The following NCALD variants were observed in gnomAD, a reference collection of about 807,000 sequenced individuals.
The protein encoded by NCALD is neurocalcin delta.
NCALD carries 10 observed loss-of-function variants against 18.6 expected under a neutral mutation model. The observed-to-expected ratio is 0.54, with a 90% confidence interval of 0.33 to 0.91. NCALD has a LOEUF of 0.91. Ranked by LOEUF, NCALD falls within the 40% of genes least tolerant of loss-of-function variation. The pLI is 0.03. For missense variants in NCALD, 184 were observed against 247.6 expected (o/e 0.74, Z 1.72); for synonymous variants, 88 against 87.4 (o/e 1.01, Z -0.04).
chr8:101,698,781 A>G lies in NCALD; in HGVS notation c.379-5885T>C, dbSNP rs551286988. On this transcript the variant is annotated intron_variant, in intron 2 of 3. Transcript: ENST00000220931. ...TTACACCTTATACAAAAATTAACTC[A>G]AGATAGATTAAAGACTTAACTGTAA... is the stretch of plus-strand genomic sequence containing the variant. Among the ~76,000 whole-genome samples, 8 of 152,332 alleles carry G rather than the reference A, an allele frequency of 5.3e-5. No individual in the cohort carries two copies. The East Asian group carries it at 1.3e-3, about 26-fold the overall frequency.
At chr8:102,078,439 C>G (rs1289616400) in intron 1 of NCALD, among the ~76,000 whole-genome samples, 2 of 152,220 alleles carry the variant, frequency 1.3e-5, no homozygotes, top group African/African-American at 4.8e-5. Flanking sequence ...ACTTAAGACC[C>G]TTCCAATCAA....
chr8:101,818,917 T>A (rs1813607810), intron 4 of NCALD, among the ~76,000 whole-genome samples: 1 of 152,038 alleles, frequency 6.6e-6, no homozygotes, highest in African/African-American at 2.4e-5. Flanking sequence ...GGCAAGAGAA[T>A]CTCTTGAATC....
intron 4 of NCALD, among the ~76,000 whole-genome samples, chr8:101,883,925 A>G (rs1447274013): frequency 6.6e-6 from 1 of 152,170 alleles, no homozygotes; most frequent in African/African-American, 2.4e-5. Flanking sequence ...TCATTATACA[A>G]TTGCAAACTC....
chr8:101,706,902 G>C (rs903249872), intron 2 of NCALD, among the ~76,000 whole-genome samples: 6 of 151,864 alleles, frequency 4.0e-5, no homozygotes, highest in Admixed American at 3.9e-4. Context: ...TGATAAGAAA[G>C]GGACAAACCC....
chr8:101,829,449 T>C (rs778015403), intron 4 of NCALD, among the ~76,000 whole-genome samples: 1 of 152,244 alleles, frequency 6.6e-6, no homozygotes, highest in Non-Finnish European at 1.5e-5. Context: ...CCCATATGGA[T>C]GACATCCTGT....
chr8:102,123,459 A>AG (rs1826002451), intron 1 of NCALD, among the ~76,000 whole-genome samples: 1 of 78,338 alleles, frequency 1.3e-5, no homozygotes, highest in Non-Finnish European at 3.0e-5. Flanking sequence ...CTGCAGCATT[A>AG]GAAAAAAAAA....
chr8:101,775,070 G>A lies in NCALD; in HGVS notation c.-20+15792C>T, dbSNP rs1811737968. Among the ~76,000 whole-genome samples, 3 of 152,186 alleles carry A rather than the reference G, an allele frequency of 2.0e-5. No individual in the cohort carries two copies. The South Asian group carries it at 6.2e-4, about 32-fold the overall frequency. On this transcript the variant is annotated intron_variant, in intron 1 of 3. Coordinates refer to ENST00000220931, the MANE Select transcript of NCALD (RefSeq NM_032041.3). ...TCAGGGTTGTTTTCCCAGTTGTGTA[G>A]TGATCTGGACTGAGAACTTCCTACT...
intron 2 of NCALD, among the ~76,000 whole-genome samples, chr8:102,000,211 C>T (rs7009634): frequency 0.015 from 2,325 of 152,310 alleles, 51 homozygotes; most frequent in African/African-American, 0.053. Context: ...TAGCAAACAG[C>T]ACACCAGGAG....
intron 3 of NCALD, among the ~76,000 whole-genome samples, chr8:101,899,730 T>G (rs987822720): frequency 7.5e-6 from 1 of 132,810 alleles, no homozygotes; most frequent in Non-Finnish European, 1.5e-5. Flanking sequence ...AATAAATATA[T>G]GGTTATGGCA....
intron 1 of NCALD, among the ~76,000 whole-genome samples, chr8:101,756,043 C>A (rs899908576): frequency 1.3e-5 from 2 of 151,644 alleles, no homozygotes; most frequent in African/African-American, 4.8e-5. Context: ...TCAGACGGGA[C>A]CTGCCAGAGA....
At chr8:101,866,817 T>C (rs1248401095) in intron 4 of NCALD, among the ~76,000 whole-genome samples, 1 of 152,216 alleles carries the variant, frequency 6.6e-6, no homozygotes, top group East Asian at 1.9e-4. Flanking sequence ...TCGCTAGTTC[T>C]GTCCTTACCC....
chr8:101,878,351 C>G (rs957960630), intron 4 of NCALD, among the ~76,000 whole-genome samples: 5 of 152,358 alleles, frequency 3.3e-5, no homozygotes, highest in African/African-American at 9.6e-5. Context: ...GCTAAACTAA[C>G]TCCATGTGAT....
At chr8:101,852,123 T>C (rs1461071299) in intron 4 of NCALD, among the ~76,000 whole-genome samples, 2 of 152,140 alleles carry the variant, frequency 1.3e-5, no homozygotes, top group Admixed American at 1.3e-4. Flanking sequence ...TAATTTTCTA[T>C]TATCTGTAAA....
At chr8:101,737,888 G>T (rs949329895) in intron 1 of NCALD, among the ~76,000 whole-genome samples, 4 of 152,236 alleles carry the variant, frequency 2.6e-5, no homozygotes, top group African/African-American at 9.6e-5. Context: ...ATTGACTGTA[G>T]ATGCTGTTAC....
chr8:101,749,605 A>G (rs1298369734), intron 1 of NCALD, among the ~76,000 whole-genome samples: 1 of 152,190 alleles, frequency 6.6e-6, no homozygotes, highest in Non-Finnish European at 1.5e-5. Context: ...ATGATATACA[A>G]GGTTGTATAA....
At chr8:102,005,487 G>A (rs1247636599) in intron 2 of NCALD, among the ~76,000 whole-genome samples, 1 of 152,148 alleles carries the variant, frequency 6.6e-6, no homozygotes, top group East Asian at 1.9e-4. Context: ...CAGGGATCTA[G>A]AACTAGAAAT....
intron 4 of NCALD, among the ~76,000 whole-genome samples, chr8:101,858,701 A>G (rs1815419554): frequency 6.6e-6 from 1 of 152,158 alleles, no homozygotes; most frequent in South Asian, 2.1e-4. Flanking sequence ...TACAGTACAG[A>G]TATTTATGGG....
At chr8:101,893,223 A>C (rs1430306821) in intron 3 of NCALD, among the ~76,000 whole-genome samples, 1 of 151,938 alleles carries the variant, frequency 6.6e-6, no homozygotes. Flanking sequence ...ATTCTTAAAG[A>C]AAAGAATTGT....
chr8:101,833,886 C>T (rs1291057927), intron 4 of NCALD, among the ~76,000 whole-genome samples: 6 of 152,206 alleles, frequency 3.9e-5, no homozygotes, highest in African/African-American at 1.2e-4. Context: ...AGAAAAACAA[C>T]GGCTCCAAAT....
Sources: gnomAD v4.1 joint callset for allele counts (sites outside exome capture counted in the v4.1 genomes callset) on GRCh38, gnomAD v4.1.1 for gene constraint, MANE v1.5 for transcripts, NCBI Gene and HGNC (gene_info 2026-07-23, HGNC 2026-07-21) for gene names.